OPCML: variants seen among roughly 807,000 people sequenced by gnomAD.
OPCML encodes opioid binding protein/cell adhesion molecule like.
In OPCML, 13 loss-of-function variants were observed where a neutral mutation model predicts 37.8. That is an observed-to-expected ratio of 0.34 (90% CI 0.22 to 0.55). OPCML has a LOEUF of 0.55. Ranked by LOEUF, OPCML falls within the 20% of genes least tolerant of loss-of-function variation. The pLI is 0.91. For missense variants in OPCML, 341 were observed against 435.6 expected (o/e 0.78, Z 1.93); for synonymous variants, 176 against 168.8 (o/e 1.04, Z -0.33).
At chr11:132,682,385 T>A (rs548747740) in intron 2 of OPCML, among the ~76,000 whole-genome samples, 1 of 152,258 alleles carries the variant, frequency 6.6e-6, no homozygotes, top group Non-Finnish European at 1.5e-5. Flanking sequence ...ATCTCATTTA[T>A]GTTTTATAAC....
chr11:133,207,153 A>G (rs1481701088), intron 1 of OPCML, among the ~76,000 whole-genome samples: 1 of 151,030 alleles, frequency 6.6e-6, no homozygotes, highest in East Asian at 1.9e-4. Flanking sequence ...ACAAAAAATT[A>G]ACCAGGTGTG....
rs114305367 is a variant in OPCML at position 133,524,331 on chromosome 11, C to A, written c.61+7933G>T. Among the ~76,000 whole-genome samples, 1,063 of 152,268 alleles carry A rather than the reference C, an allele frequency of 7.0e-3. 17 individuals are homozygous for A. Among genetic ancestry groups the A allele is most frequent in the African/African-American group, 0.024 (997 of 41,526 alleles). On this transcript the variant is annotated intron_variant, in intron 1 of 7. Coordinates refer to ENST00000524381, the MANE Select transcript of OPCML (RefSeq NM_001012393.5). Reference sequence around the variant, plus strand: ...TGTGATTTGCTAAGCTGCTTTTTACCTTTTCCATATGAACATCAACCCGTT... The same window carrying A: ...TGTGATTTGCTAAGCTGCTTTTTACATTTTCCATATGAACATCAACCCGTT...
At chr11:133,369,087 C>A (rs1233353538) in intron 1 of OPCML, among the ~76,000 whole-genome samples, 2 of 152,246 alleles carry the variant, frequency 1.3e-5, no homozygotes, top group Non-Finnish European at 2.9e-5. Context: ...TTTGGTGCAA[C>A]CAAGTGTCGA....
At chr11:133,472,400 G>A (rs1357311541) in intron 1 of OPCML, among the ~76,000 whole-genome samples, 1 of 152,160 alleles carries the variant, frequency 6.6e-6, no homozygotes. Context: ...AGTCCTGACG[G>A]TATTTAGGGA....
intron 1 of OPCML, among the ~76,000 whole-genome samples, chr11:133,500,914 A>G (rs1947897261): frequency 6.6e-6 from 1 of 152,048 alleles, no homozygotes; most frequent in African/African-American, 2.4e-5. Context: ...GACTCCTTGC[A>G]ATTAGGAAGC....
At chr11:132,727,881 G>A (rs1401678325) in intron 2 of OPCML, among the ~76,000 whole-genome samples, 1 of 152,200 alleles carries the variant, frequency 6.6e-6, no homozygotes. Flanking sequence ...CCGAGTGCAG[G>A]CCAAGATCCT....
intron 1 of OPCML, among the ~76,000 whole-genome samples, chr11:133,053,994 T>C (rs1255057285): frequency 6.6e-6 from 1 of 152,210 alleles, no homozygotes; most frequent in African/African-American, 2.4e-5. Context: ...TCAATCTTGG[T>C]AAACACCATT....
intron 1 of OPCML, among the ~76,000 whole-genome samples, chr11:133,116,610 C>T (rs146413617): frequency 9.9e-5 from 15 of 152,186 alleles, no homozygotes; most frequent in African/African-American, 3.6e-4. Flanking sequence ...GGCAGGAATA[C>T]CTAGAAGTGA....
At chr11:133,024,745 T>A in intron 1 of OPCML, 1 of 966,932 alleles carries the variant, frequency 1.0e-6, no homozygotes, top group Non-Finnish European at 1.2e-6. Flanking sequence ...CGCTTTTGAA[T>A]ATGGGTTAAT....
intron 3 of OPCML, among the ~76,000 whole-genome samples, chr11:132,628,242 C>T (rs1939865521): frequency 6.6e-6 from 1 of 151,992 alleles, no homozygotes; most frequent in Admixed American, 6.6e-5. Context: ...AGCCACACGG[C>T]TCACGTTACC....
intron 4 of OPCML, among the ~76,000 whole-genome samples, chr11:132,525,530 T>G (rs2096305707): frequency 6.6e-6 from 1 of 152,168 alleles, no homozygotes; most frequent in Non-Finnish European, 1.5e-5. Context: ...ATCAACAAAT[T>G]TTTCCAAAAA....
At chr11:133,473,508 T>C (rs1364430211) in intron 1 of OPCML, among the ~76,000 whole-genome samples, 3 of 152,036 alleles carry the variant, frequency 2.0e-5, no homozygotes, top group Non-Finnish European at 2.9e-5. Flanking sequence ...GAAATAGGGG[T>C]TGGTTAGTGA....
intron 2 of OPCML, among the ~76,000 whole-genome samples, chr11:132,869,622 T>A (rs1263382551): frequency 6.6e-6 from 1 of 152,166 alleles, no homozygotes; most frequent in Non-Finnish European, 1.5e-5. Flanking sequence ...ATACAAAAAA[T>A]CCCACAGCAT....
At chr11:132,953,046 T>G (rs1167474235) in intron 1 of OPCML, among the ~76,000 whole-genome samples, 3 of 151,964 alleles carry the variant, frequency 2.0e-5, no homozygotes, top group African/African-American at 7.3e-5. Flanking sequence ...GCTTAGAGAG[T>G]GATCTATTGA....
chr11:133,307,193 A>T (rs1467857477), intron 1 of OPCML, among the ~76,000 whole-genome samples: 1 of 152,132 alleles, frequency 6.6e-6, no homozygotes, highest in Non-Finnish European at 1.5e-5. Flanking sequence ...TGTCAGAGGC[A>T]GCAACATAGG....
intron 1 of OPCML, among the ~76,000 whole-genome samples, chr11:133,416,773 A>G (rs1276505983): frequency 1.3e-5 from 2 of 152,196 alleles, no homozygotes; most frequent in Non-Finnish European, 2.9e-5. Flanking sequence ...CTGAAGGATC[A>G]GAGAGTGCCT....
chr11:132,645,479 G>T (rs1408511864), intron 3 of OPCML, among the ~76,000 whole-genome samples: 1 of 152,212 alleles, frequency 6.6e-6, no homozygotes, highest in East Asian at 1.9e-4. Context: ...TTGTGAAAGA[G>T]AGACTTCTAT....
intron 3 of OPCML, among the ~76,000 whole-genome samples, chr11:132,572,688 C>A (rs2096441452): frequency 1.3e-5 from 2 of 152,120 alleles, no homozygotes; most frequent in Middle Eastern, 3.4e-3. Flanking sequence ...AAGTGTGATA[C>A]CTCCAGCTTT....
chr11:133,078,304 A>T (rs141452729), intron 1 of OPCML, among the ~76,000 whole-genome samples: 168 of 152,294 alleles, frequency 1.1e-3, no homozygotes, highest in African/African-American at 3.9e-3. Flanking sequence ...GACACCCAAC[A>T]CAGTATCACC....
Sources: allele counts gnomAD v4.1 joint callset (sites outside exome capture counted in the v4.1 genomes callset), GRCh38; gene constraint gnomAD v4.1.1; transcripts MANE v1.5; gene names NCBI Gene and HGNC (gene_info 2026-07-23, HGNC 2026-07-21).